The following TMEM94 variants were observed in gnomAD, a reference collection of about 807,000 sequenced individuals.
TMEM94 encodes the protein ER Mg2+ ATPase.
A neutral mutation model predicts 158.6 loss-of-function variants in TMEM94; 81 were observed. The ratio of observed to expected loss-of-function variants is 0.51; its 90% CI spans 0.43 to 0.61. The LOEUF (loss-of-function observed/expected upper bound fraction) is 0.61. Ranked by LOEUF, TMEM94 falls within the 20% of genes least tolerant of loss-of-function variation. The pLI, the probability that TMEM94 is intolerant of heterozygous loss-of-function variation, is 0.00. For missense variants in TMEM94, 1,435 were observed against 1,762.0 expected, an observed-to-expected ratio of 0.81 and a Z score of 3.32; for synonymous variants, 751 against 730.7, an observed-to-expected ratio of 1.03 and a Z score of -0.45.
intron 2 of TMEM94, among the ~76,000 whole-genome samples, chr17:75,480,154 C>T (rs900304818): frequency 1.1e-4 from 17 of 151,992 alleles, no homozygotes; most frequent in African/African-American, 2.7e-4. Context: ...TAATTTCGAC[C>T]CCCTGCTGGA....
chr17:75,490,713 C>T lies in TMEM94; in HGVS notation c.1083C>T (p.Phe361=), dbSNP rs149786367. 1 of 1,614,098 alleles carries T rather than the reference C, an allele frequency of 6.2e-7. No individual in the cohort carries two copies. The highest frequency in any genetic ancestry group is 2.2e-5 in the East Asian group (1 of 44,890). ...KASPSSLLAK[F]SEDTLSSYTE... is the part of the protein sequence containing the mutation. ...CTCTCTCCGTGCAGCTGGCTAAGTT[C>T]TCAGAGGATACTCTCAGCAGCTATA... The change falls in exon 11 of 32, where the codon TTC becomes TTT. Residue 361 remains phenylalanine (F), a synonymous_variant. Transcript: ENST00000314256.
At chr17:75,478,666 G>A (rs1422464619) in intron 2 of TMEM94, among the ~76,000 whole-genome samples, 5 of 152,198 alleles carry the variant, frequency 3.3e-5, no homozygotes, top group African/African-American at 4.8e-5. Context: ...TGTGTTGGGC[G>A]TTTGTTGCCT....
At chr17:75,473,931 A>G (rs534465371) in intron 2 of TMEM94, among the ~76,000 whole-genome samples, 2 of 152,158 alleles carry the variant, frequency 1.3e-5, no homozygotes, top group East Asian at 1.9e-4. Context: ...CCTGGCCGAC[A>G]TGGTGAAATC....
At chr17:75,482,499 CCT>C (rs2051243716) in intron 2 of TMEM94, among the ~76,000 whole-genome samples, 2 of 151,114 alleles carry the variant, frequency 1.3e-5, no homozygotes, top group South Asian at 4.3e-4. Context: ...AGAGCAAGAC[CCT>C]GTCTCAATTT....
intron 1 of TMEM94, among the ~76,000 whole-genome samples, chr17:75,468,505 G>A (rs980416266): frequency 6.6e-6 from 1 of 152,242 alleles, no homozygotes; most frequent in African/African-American, 2.4e-5. Flanking sequence ...GGGGCAGCCT[G>A]AGTCAGACAG....
chr17:75,467,693 C>G (rs370775907), intron 1 of TMEM94, among the ~76,000 whole-genome samples: 1 of 151,146 alleles, frequency 6.6e-6, no homozygotes. Context: ...CCACCGCGCC[C>G]GGCTAATTTT....
chr17:75,478,219 G>A (rs1398281270), intron 2 of TMEM94, among the ~76,000 whole-genome samples: 6 of 140,888 alleles, frequency 4.3e-5, no homozygotes, highest in East Asian at 2.1e-4. Context: ...GGGTTTCACC[G>A]TTTTAGCCGG....
At chr17:75,490,077 CAAAAA>C (rs10712311) in intron 9 of TMEM94, 152 bp from the exon 10 acceptor site, 32 of 795,236 alleles carry the variant, frequency 4.0e-5, no homozygotes, top group South Asian at 8.4e-5. Context: ...GACTCCGTCT[CAAAAA>C]AAAAAAAAAA....
chr17:75,486,845 A>G (rs2051663998), intron 5 of TMEM94, among the ~76,000 whole-genome samples: 1 of 152,138 alleles, frequency 6.6e-6, no homozygotes, highest in South Asian at 2.1e-4. Flanking sequence ...GGAGCCTGAG[A>G]TGGAGCAGCC....
In TMEM94 at chr17:75,498,149, A is replaced by G. The variant is rs1436085968; in HGVS notation, c.3490-26A>G. ...AGCCGGCAGAGGGGCTGTGCGCCCC[A>G]GGAGTGACTGGCCTTGTTCCCGCAG... On this transcript the variant is annotated intron_variant, in intron 27 of 31. Coordinates refer to ENST00000314256, the MANE Select transcript of TMEM94 (RefSeq NM_014738.6). This position sits in a 1 kb window ranked among gnomAD's most constrained non-coding sequence, Gnocchi z 6.7. 1 of 1,612,900 alleles carries G rather than the reference A, an allele frequency of 6.2e-7. No individual in the cohort carries two copies. The highest frequency in any genetic ancestry group is 1.3e-5 in the African/African-American group (1 of 74,922).
chr17:75,472,299 G>A (rs371219784), intron 2 of TMEM94, among the ~76,000 whole-genome samples: 11 of 152,374 alleles, frequency 7.2e-5, no homozygotes, highest in African/African-American at 2.6e-4. Flanking sequence ...GCACCTCCCT[G>A]TGGTTAGAGA....
Position 75,489,010 on chromosome 17 carries a change from G to A in TMEM94, c.764+100G>A, listed in dbSNP as rs1050561381. ...GCCCCGTTCATCTCGAGGTTCTCTT[G>A]AGGGCAGGCATCTCCTTAGGCTCCT... On this transcript the variant is annotated intron_variant, in intron 7 of 31. Transcript: ENST00000314256. The surrounding 1 kb of genome is among the most constrained non-coding windows in gnomAD (Gnocchi z 5.0). 6.9e-6 allele frequency: 9 copies of A among 1,302,564 alleles called. No homozygotes were observed. Among genetic ancestry groups the A allele is most frequent in the Non-Finnish European group, 9.6e-6 (9 of 940,002 alleles). 80.7% of individuals were successfully genotyped at this position (1,302,564 alleles called of 1,614,324 possible). A position where few individuals can be genotyped will look rare whatever the true frequency, so the allele number is the denominator to read the frequency against.
chr17:75,492,812 A>C lies in TMEM94; in HGVS notation c.1912+23A>C, dbSNP rs766128933. On this transcript the variant is annotated intron_variant, in intron 15 of 31. Coordinates refer to ENST00000314256, the MANE Select transcript of TMEM94 (RefSeq NM_014738.6). This position sits in a 1 kb window ranked among gnomAD's most constrained non-coding sequence, Gnocchi z 4.4. The stretch of plus-strand genomic sequence containing the variant: ...TTGGTACAGGTCCCCATGGCAGGGG[A>C]TGGCTGGCTGGACCCGCCTCCTAGA... 3.1e-5 allele frequency: 50 copies of C among 1,590,806 alleles called. No homozygotes were observed. The highest frequency in any genetic ancestry group is 4.1e-5 in the Non-Finnish European group (48 of 1,168,992).
intron 2 of TMEM94, among the ~76,000 whole-genome samples, chr17:75,478,288 A>G (rs1395162154): frequency 7.2e-6 from 1 of 138,750 alleles, no homozygotes; most frequent in Non-Finnish European, 1.5e-5. Context: ...AAGTGCTGGG[A>G]TTACAGGCGT....
Position 75,495,802 on chromosome 17 carries a change from T to A in TMEM94, c.2944+159T>A. On this transcript the variant is annotated intron_variant, in intron 22 of 31. Transcript: ENST00000314256. This position sits in a 1 kb window ranked among gnomAD's most constrained non-coding sequence, Gnocchi z 5.6. ...AGCTGGGGAATCTTGTGGGTTGGAG[T>A]CAGAAGTGCCGATGTTCACATGATC... The A allele has an allele frequency of 1.2e-6, 1 of 848,962 alleles. No individual in the cohort carries two copies. The highest frequency in any genetic ancestry group is 1.9e-6 in the Non-Finnish European group (1 of 532,496). The allele number at this position is 848,962 out of a possible 1,614,324, so 52.6% of individuals were successfully genotyped here. A position where few individuals can be genotyped will look rare whatever the true frequency, so the allele number is the denominator to read the frequency against.
chr17:75,498,772 C>T lies in TMEM94; in HGVS notation c.3827+50C>T. ...GGAGTGTGGGCTGGGGAGGAGAGGG[C>T]CTTCTGCAGGGCTAGGATCGGAGGG... On this transcript the variant is annotated intron_variant, in intron 30 of 31. Coordinates refer to ENST00000314256, the MANE Select transcript of TMEM94 (RefSeq NM_014738.6). The surrounding 1 kb of genome is among the most constrained non-coding windows in gnomAD (Gnocchi z 6.7). 6.5e-7 allele frequency: 1 copy of T among 1,531,822 alleles called. No homozygotes were observed. Among genetic ancestry groups the T allele is most frequent in the Non-Finnish European group, 8.8e-7 (1 of 1,138,046 alleles). 94.9% of individuals were successfully genotyped at this position (1,531,822 alleles called of 1,614,324 possible).
rs1461253290 is a variant in TMEM94, at chr17:75,487,050, G to A, written c.409+624G>A. On this transcript the variant is annotated intron_variant, in intron 5 of 31. Coordinates refer to ENST00000314256, the MANE Select transcript of TMEM94 (RefSeq NM_014738.6). This position sits in a 1 kb window ranked among gnomAD's most constrained non-coding sequence, Gnocchi z 4.6. ...GACCTTTCTCCAACAGACCTGGGCA[G>A]TGGACGTTTAGATGCTAAGTGAGTT... Among the ~76,000 whole-genome samples, 1 of 152,214 alleles carries A rather than the reference G, an allele frequency of 6.6e-6. No homozygotes were observed. Among genetic ancestry groups the A allele is most frequent in the Non-Finnish European group, 1.5e-5 (1 of 68,038 alleles).
chr17:75,488,624 GGCCCT>G, intron 6 of TMEM94, 130 bp from the exon 7 acceptor site: 1 of 1,008,702 alleles, frequency 9.9e-7, no homozygotes, highest in Non-Finnish European at 1.5e-6. Flanking sequence ...TAGTCCCACA[GGCCCT>G]GTCCCAGTGG....
rs541348250 is a variant in TMEM94 at position 75,499,479 on chromosome 17, C to T, written c.*145C>T. On this transcript the variant is annotated 3_prime_UTR_variant, in exon 32 of 32. Coordinates refer to ENST00000314256, the MANE Select transcript of TMEM94 (RefSeq NM_014738.6). ...GAAACCCAGCTCCCCGTGTCAGACCCCGCTGTCTTCCTGAGCCCTGGGGCT... is the reference window on the plus strand; with the variant it reads ...GAAACCCAGCTCCCCGTGTCAGACCTCGCTGTCTTCCTGAGCCCTGGGGCT... The T allele has an allele frequency of 8.2e-6, 6 of 735,236 alleles. No homozygotes were observed. The highest frequency in any genetic ancestry group is 7.2e-5 in the Admixed American group (3 of 41,702). 45.5% of individuals were successfully genotyped at this position (735,236 alleles called of 1,614,324 possible). A position where few individuals can be genotyped will look rare whatever the true frequency, so the allele number is the denominator to read the frequency against.
Sources: gnomAD v4.1 joint callset for allele counts (sites outside exome capture counted in the v4.1 genomes callset) on GRCh38, gnomAD v4.1.1 for gene constraint, Gnocchi (gnomAD v3.1) non-coding constraint, MANE v1.5 for transcripts, NCBI Gene and HGNC (gene_info 2026-07-23, HGNC 2026-07-21) for gene names.